The following ZNF215 variants were observed in gnomAD, a reference collection of about 807,000 sequenced individuals.
ZNF215 encodes BWSCR2-associated zinc finger protein 2.
In ZNF215, 24 loss-of-function variants were observed where a neutral mutation model predicts 27.2. The observed-to-expected ratio is 0.88, with a 90% CI of 0.64 to 1.24. The LOEUF is 1.24. ZNF215 is among the 50% of genes most tolerant of loss of function. The pLI is 0.00. For missense variants in ZNF215, 675 were observed against 605.7 expected (o/e 1.11, Z -1.20); for synonymous variants, 210 against 204.0 (o/e 1.03, Z -0.25).
At chr11:6,988,362 C>A, downstream of ZNF215, 2 of 655,966 alleles carry the variant, frequency 3.0e-6, no homozygotes, top group Non-Finnish European at 3.8e-6. Flanking sequence ...GTAGGATGAA[C>A]ATCAGAAAAG....
Position 6,949,583 on chromosome 11 carries a change from G to GT in ZNF215, c.712+5949dup, listed in dbSNP as rs1331829717. The stretch of plus-strand genomic sequence containing the variant: ...CGCCCACTTGTTGATGGCGTTGTTT[G>GT]TTTTTTTCTTGTAAATTTATTTGAG... On this transcript the variant is annotated intron_variant, in intron 6 of 6. Coordinates refer to ENST00000278319, the MANE Select transcript of ZNF215 (RefSeq NM_013250.4). Among the ~76,000 whole-genome samples the GT allele has an allele frequency of 4.0e-5, 6 of 150,112 alleles. No individual in the cohort carries two copies. The East Asian group carries it at 1.0e-3, about 25-fold the overall frequency.
At chr11:6,977,291 C>T (rs969653) in intron 5 of ZNF215, among the ~76,000 whole-genome samples, 35,650 of 151,960 alleles carry the variant, frequency 0.23, 4,650 homozygotes, top group Non-Finnish European at 0.29. Flanking sequence ...CTCTGTCCCA[C>T]CCAGTCCAGC....
At chr11:6,942,937 C>G in intron 4 of ZNF215, 146 bp from the exon 5 acceptor site, 1 of 1,259,976 alleles carries the variant, frequency 7.9e-7, no homozygotes, top group East Asian at 2.4e-5. Context: ...ATTTTCATCA[C>G]TTAGAACCTC....
Position 6,957,279 on chromosome 11 carries a change from C to A in ZNF215, c.*748C>A. ...CCAGCCAGGGACACTGTGTGGAGTT[C>A]GCACACTCTCCCTATGTCTCCGGGT... On this transcript the variant is annotated 3_prime_UTR_variant, in exon 7 of 7. Transcript: ENST00000278319. The A allele has an allele frequency of 1.4e-6, 1 of 738,118 alleles. No homozygotes were observed. Among genetic ancestry groups the A allele is most frequent in the South Asian group, 6.1e-5 (1 of 16,290 alleles). 45.7% of individuals were successfully genotyped at this position (738,118 alleles called of 1,614,324 possible).
At chr11:6,972,585 C>T (rs2638111) in intron 5 of ZNF215, among the ~76,000 whole-genome samples, 150,383 of 152,254 alleles carry the variant, frequency 0.99, 74,288 homozygotes, top group Middle Eastern at 1. Flanking sequence ...GTAAAATTCA[C>T]GAGTGATTTT....
intron 5 of ZNF215, among the ~76,000 whole-genome samples, chr11:6,983,259 A>G (rs1435107577): frequency 2.0e-5 from 3 of 152,148 alleles, no homozygotes; most frequent in African/African-American, 7.2e-5. Flanking sequence ...AATTGTGGCA[A>G]TAATCAATAG....
chr11:6,974,105 C>A (rs532303554), intron 5 of ZNF215, among the ~76,000 whole-genome samples: 40 of 152,242 alleles, frequency 2.6e-4, no homozygotes, highest in African/African-American at 8.2e-4. Context: ...TTTCAGCTTT[C>A]TACATATGGC....
downstream of ZNF215, among the ~76,000 whole-genome samples, chr11:6,990,756 A>G (rs374161134): frequency 8.5e-5 from 13 of 152,226 alleles, no homozygotes; most frequent in African/African-American, 1.2e-4. Context: ...ACACACACAC[A>G]CGCGCACATG....
In ZNF215 at chr11:6,957,703, G is replaced by C; in HGVS notation, c.*1172G>C. 1.0e-6 allele frequency: 1 copy of C among 974,770 alleles called. No homozygotes were observed. The highest frequency in any genetic ancestry group is 1.2e-6 in the Non-Finnish European group (1 of 820,268). 60.4% of individuals were successfully genotyped at this position (974,770 alleles called of 1,614,324 possible). On this transcript the variant is annotated 3_prime_UTR_variant, in exon 7 of 7. Coordinates refer to ENST00000278319, the MANE Select transcript of ZNF215 (RefSeq NM_013250.4). Reference sequence around the variant, plus strand: ...ATACATCATTTCACTTAAAGTTGCAGTTCCTAAGAACCTATTGATGATGTT... The same window carrying C: ...ATACATCATTTCACTTAAAGTTGCACTTCCTAAGAACCTATTGATGATGTT...
At chr11:6,971,431 T>A (rs1365270115) in intron 5 of ZNF215, among the ~76,000 whole-genome samples, 1 of 152,158 alleles carries the variant, frequency 6.6e-6, no homozygotes, top group Non-Finnish European at 1.5e-5. Flanking sequence ...TGTTAATGCC[T>A]TCTCCTCTAT....
Position 6,967,344 on chromosome 11 carries a change from T to C in ZNF215, c.805+11562T>C, listed in dbSNP as rs945594690. ...CCCAGTAATGGGATTGCTGGTCAAA[T>C]GGTATTTCTGGTTCTAGATCCTTGA... On this transcript the variant is annotated intron_variant, in intron 5 of 5. Coordinates refer to the ZNF215 transcript ENST00000529903. Among the ~76,000 whole-genome samples, 4 of 152,354 alleles carry C rather than the reference T, an allele frequency of 2.6e-5. No homozygotes were observed. In the Middle Eastern group the frequency reaches 0.01, roughly 389 times the overall value.
intron 5 of ZNF215, among the ~76,000 whole-genome samples, chr11:6,981,482 T>A (rs1480065594): frequency 2.0e-5 from 3 of 152,214 alleles, no homozygotes; most frequent in Non-Finnish European, 4.4e-5. Context: ...TAAATTTGTT[T>A]GAGTTCATTT....
At chr11:6,944,249 C>G (rs1384152326) in intron 6 of ZNF215, among the ~76,000 whole-genome samples, 3 of 152,190 alleles carry the variant, frequency 2.0e-5, no homozygotes, top group Non-Finnish European at 4.4e-5. Flanking sequence ...GCACTCCAGC[C>G]TGGGCAACAG....
At chr11:6,977,166 T>A (rs902409087) in intron 5 of ZNF215, among the ~76,000 whole-genome samples, 1 of 152,036 alleles carries the variant, frequency 6.6e-6, no homozygotes, top group Non-Finnish European at 1.5e-5. Flanking sequence ...TTTTCCATGG[T>A]TTCACTTTCT....
chr11:6,941,032 T>C (rs1849616493), intron 3 of ZNF215, among the ~76,000 whole-genome samples: 1 of 152,210 alleles, frequency 6.6e-6, no homozygotes, highest in Non-Finnish European at 1.5e-5. Flanking sequence ...AATGGCTGGA[T>C]AAGAGAATTG....
chr11:6,969,063 T>A (rs994258656), intron 5 of ZNF215, among the ~76,000 whole-genome samples: 1 of 152,160 alleles, frequency 6.6e-6, no homozygotes, highest in African/African-American at 2.4e-5. Context: ...GTGCTGATTC[T>A]TCCTAATAAA....
intron 2 of ZNF215, among the ~76,000 whole-genome samples, chr11:6,930,398 T>C (rs1030499967): frequency 3.3e-5 from 5 of 152,232 alleles, no homozygotes; most frequent in Non-Finnish European, 5.9e-5. Context: ...TTCAGCCAAA[T>C]ACAAGTTCAC....
chr11:6,935,520 C>A (rs927387597), intron 3 of ZNF215, among the ~76,000 whole-genome samples: 1 of 152,014 alleles, frequency 6.6e-6, no homozygotes, highest in East Asian at 1.9e-4. Flanking sequence ...AAAATTAGTT[C>A]AAAAGTTACT....
intron 6 of ZNF215, among the ~76,000 whole-genome samples, chr11:6,950,305 C>G (rs1486052883): frequency 2.7e-5 from 4 of 148,886 alleles, no homozygotes; most frequent in Non-Finnish European, 4.5e-5. Context: ...GGCATTGAAT[C>G]TATAAATTAC....
Sources: gnomAD v4.1 joint callset for allele counts (sites outside exome capture counted in the v4.1 genomes callset) on GRCh38, gnomAD v4.1.1 for gene constraint, MANE v1.5 for transcripts, NCBI Gene and HGNC (gene_info 2026-07-23, HGNC 2026-07-21) for gene names.